GDA: variants seen among roughly 807,000 people sequenced by gnomAD.
The protein encoded by GDA is cytoplasmic PSD-95 interactor.
Under a neutral mutation model 59.6 loss-of-function variants are expected in GDA, and 18 were observed. That is an observed-to-expected ratio of 0.30 (90% CI 0.21 to 0.45). The LOEUF (loss-of-function observed/expected upper bound fraction) is 0.45, where lower values mean the gene tolerates loss of function less well. Ranked by LOEUF, GDA falls within the 20% of genes least tolerant of loss-of-function variation. The pLI is 1.00. For synonymous variants in GDA, 201 were observed against 201.1 expected, an observed-to-expected ratio of 1.00 and a Z score of 0.00; for missense variants, 427 against 552.3, an observed-to-expected ratio of 0.77 and a Z score of 2.27.
intron 5 of GDA, chr9:72,214,749 T>C: frequency 2.9e-6 from 1 of 344,356 alleles, no homozygotes; most frequent in Non-Finnish European, 5.5e-6. Flanking sequence ...CTTTTCTTTT[T>C]TTGAGACAGA....
At chr9:72,162,662 T>A (rs1292325245) in intron 1 of GDA, among the ~76,000 whole-genome samples, 1 of 90,014 alleles carries the variant, frequency 1.1e-5, no homozygotes, top group African/African-American at 8.1e-5. Context: ...GATTTACAAT[T>A]TTTTTTTTTT....
chr9:72,176,462 G>A (rs1830554147), intron 1 of GDA, among the ~76,000 whole-genome samples: 1 of 152,110 alleles, frequency 6.6e-6, no homozygotes, highest in South Asian at 2.1e-4. Flanking sequence ...AAGATTTTGT[G>A]GGCGTATTTT....
At chr9:72,179,591 A>G (rs1043130282) in intron 1 of GDA, among the ~76,000 whole-genome samples, 4 of 152,208 alleles carry the variant, frequency 2.6e-5, no homozygotes, top group African/African-American at 7.2e-5. Flanking sequence ...CTGTCGATTT[A>G]TTAGGACAGA....
rs748234900 is a variant in GDA, at chr9:72,250,836, T to C, written c.*2494T>C. 6 of 1,609,886 alleles carry C rather than the reference T, an allele frequency of 3.7e-6. No homozygotes were observed. The Admixed American group carries it at 5.0e-5, about 13-fold the overall frequency. On this transcript the variant is annotated 3_prime_UTR_variant, in exon 14 of 14. Transcript: ENST00000358399. ...ATGGTATTTTCAACGGAATACACTTTGAAAGGTAAAAACAATTCAAAAGTA... is the reference window on the plus strand; with the variant it reads ...ATGGTATTTTCAACGGAATACACTTCGAAAGGTAAAAACAATTCAAAAGTA...
At chr9:72,173,401 G>A (rs1046582699) in intron 1 of GDA, among the ~76,000 whole-genome samples, 9 of 150,684 alleles carry the variant, frequency 6.0e-5, no homozygotes, top group Admixed American at 2.7e-4. Flanking sequence ...TGCGATCTCA[G>A]CTCACTGCAG....
rs1005685629 is a variant in GDA at position 72,249,913 on chromosome 9, G to A, written c.*1571G>A. On this transcript the variant is annotated 3_prime_UTR_variant, in exon 14 of 14. Transcript: ENST00000358399. ...AGCTAATTTAGCAGTAATTGGCCCA[G>A]TTTTTTCCCTAATAGAAATACTTTT... The A allele has an allele frequency of 5.4e-5, 52 of 960,954 alleles. No individual in the cohort carries two copies. Among genetic ancestry groups the A allele is most frequent in the Non-Finnish European group, 2.4e-5 (19 of 807,836 alleles). 59.5% of individuals were successfully genotyped at this position (960,954 alleles called of 1,614,324 possible).
Position 72,241,265 on chromosome 9 carries a change from G to A in GDA, c.1102G>A (p.Val368Ile). 2 of 1,606,968 alleles carry A rather than the reference G, an allele frequency of 1.2e-6. No individual in the cohort carries two copies. Among genetic ancestry groups the A allele is most frequent in the Middle Eastern group, 1.7e-4 (1 of 6,032 alleles). The change falls in exon 11 of 14, where the codon GTC becomes ATC. Residue 368 changes from valine (V) to isoleucine (I), a missense_variant. Physicochemically the swap from Val to Ile is conservative, Grantham distance 29. Transcript: ENST00000358399. Reference protein sequence around the residue: ...VNEKSLTLKEVFRLATLGGSQ... With the variant: ...VNEKSLTLKEIFRLATLGGSQ... ...TGAGAAAAGCCTCACCCTCAAAGAA[G>A]TCTTCAGACTAGCTACTCTTGGAGG...
chr9:72,168,373 A>G (rs1829566242), intron 1 of GDA, among the ~76,000 whole-genome samples: 1 of 150,326 alleles, frequency 6.7e-6, no homozygotes, highest in Non-Finnish European at 1.5e-5. Flanking sequence ...AAACTGGGCA[A>G]CACACTGAGA....
At position 72,122,634 on chromosome 9, in the gene GDA, TACAC is replaced by T. The variant is rs112045510; in HGVS notation, c.-100+7829_-100+7832del. The stretch of plus-strand genomic sequence containing the variant: ...TGCTTTTGGAAAAAATGTATACATT[TACAC>T]ACACACACACACACACACACACACA... On this transcript the variant is annotated intron_variant, in intron 1 of 13. Coordinates refer to the GDA transcript ENST00000545168. Among the ~76,000 whole-genome samples the T allele has an allele frequency of 3.5e-3, 523 of 147,488 alleles. 2 individuals carry two copies. Among genetic ancestry groups the T allele is most frequent in the East Asian group, 0.02 (103 of 5,032 alleles).
At chr9:72,123,032 G>A (rs556992158) in intron 1 of GDA, among the ~76,000 whole-genome samples, 5 of 152,110 alleles carry the variant, frequency 3.3e-5, no homozygotes, top group South Asian at 2.1e-4. Flanking sequence ...GCACCTTCTC[G>A]ATCTCACCAA....
chr9:72,145,596 C>G (rs1266048904), upstream of GDA, among the ~76,000 whole-genome samples: 1 of 152,102 alleles, frequency 6.6e-6, no homozygotes, highest in East Asian at 1.9e-4. Flanking sequence ...AGCAAAATGT[C>G]AAAGCTAATC....
intron 1 of GDA, among the ~76,000 whole-genome samples, chr9:72,169,745 A>G (rs1462795836): frequency 1.3e-5 from 2 of 152,228 alleles, no homozygotes; most frequent in Non-Finnish European, 2.9e-5. Flanking sequence ...AACTTCCTAT[A>G]TGCAGTCAAT....
intron 1 of GDA, among the ~76,000 whole-genome samples, chr9:72,165,802 G>C (rs925200486): frequency 1.1e-4 from 17 of 151,906 alleles, no homozygotes; most frequent in African/African-American, 2.7e-4. Flanking sequence ...GGAGGCTGAG[G>C]GGGGAGAACT....
rs190190440 is a variant in GDA, at chr9:72,157,238, G to A, written c.123+7556G>A. ...GTATTTTTAGTAGAGATGGGGTTTC[G>A]CCATGTTGGGCAGGCTGGTCTTGAA... On this transcript the variant is annotated intron_variant, in intron 1 of 13. Coordinates refer to ENST00000358399, the MANE Select transcript of GDA (RefSeq NM_004293.5). Among the ~76,000 whole-genome samples, 158 of 151,820 alleles carry A rather than the reference G, an allele frequency of 1.0e-3. 1 individual carries two copies. The highest frequency in any genetic ancestry group is 3.6e-3 in the African/African-American group (148 of 41,410).
chr9:72,195,053 A>G (rs1419026656), intron 1 of GDA, among the ~76,000 whole-genome samples: 3 of 152,198 alleles, frequency 2.0e-5, no homozygotes, highest in Non-Finnish European at 4.4e-5. Context: ...GTATCTCTTC[A>G]GTGCCTCTTT....
chr9:72,117,761 C>T (rs994049783), intron 1 of GDA, among the ~76,000 whole-genome samples: 18 of 152,116 alleles, frequency 1.2e-4, no homozygotes, highest in South Asian at 4.1e-4. Context: ...TCCCAATTGG[C>T]GAGGAGGTAC....
At chr9:72,132,347 C>T (rs1826053992) in intron 1 of GDA, among the ~76,000 whole-genome samples, 1 of 152,088 alleles carries the variant, frequency 6.6e-6, no homozygotes, top group African/African-American at 2.4e-5. Context: ...GAACACTCTC[C>T]CATGTCACAG....
intron 1 of GDA, among the ~76,000 whole-genome samples, chr9:72,176,263 C>T (rs879478773): frequency 1.3e-5 from 2 of 152,184 alleles, no homozygotes; most frequent in Non-Finnish European, 2.9e-5. Flanking sequence ...TGTTCTTACC[C>T]TATGACTAGA....
chr9:72,133,321 A>AATAATAATAATAATAATAATG (rs1826104878), intron 1 of GDA, among the ~76,000 whole-genome samples: 3 of 148,144 alleles, frequency 2.0e-5, no homozygotes, highest in East Asian at 3.9e-4. Flanking sequence ...TAATAATAAT[A>AATAATAATAATAATAATAATG]ATAATAATAA....
Sources: gnomAD v4.1 joint callset for allele counts (sites outside exome capture counted in the v4.1 genomes callset) on GRCh38, gnomAD v4.1.1 for gene constraint, MANE v1.5 for transcripts, NCBI Gene and HGNC (gene_info 2026-07-23, HGNC 2026-07-21) for gene names.